The following SCFD2 variants were observed in gnomAD, a reference collection of about 807,000 sequenced individuals.
The protein encoded by SCFD2 is sec1 family domain-containing protein 2.
Under a neutral mutation model 58.9 loss-of-function variants are expected in SCFD2, and 54 were observed. The observed-to-expected ratio is 0.92, with a 90% CI of 0.74 to 1.15. The LOEUF (loss-of-function observed/expected upper bound fraction) is 1.15, where lower values mean the gene tolerates loss of function less well. SCFD2 is among the 50% of genes most tolerant of loss of function. The pLI is 0.00. For synonymous variants in SCFD2, 321 were observed against 335.9 expected, an observed-to-expected ratio of 0.96 and a Z score of 0.49; for missense variants, 805 against 836.6, an observed-to-expected ratio of 0.96 and a Z score of 0.47.
intron 5 of SCFD2, among the ~76,000 whole-genome samples, chr4:52,936,086 C>A (rs1720130771): frequency 6.6e-6 from 1 of 152,140 alleles, no homozygotes; most frequent in South Asian, 2.1e-4. Flanking sequence ...ATCCGCCTGC[C>A]TCATCCTCCC....
At position 53,236,806 on chromosome 4, in the gene SCFD2, T is replaced by A. The variant is rs572631347; in HGVS notation, c.1311+37020A>T. Among the ~76,000 whole-genome samples the A allele has an allele frequency of 3.0e-5, 4 of 132,746 alleles. No homozygotes were observed. The South Asian group carries it at 9.8e-4, about 33-fold the overall frequency. 87.1% of individuals were successfully genotyped at this position (132,746 alleles called of 152,430 possible). A position where few individuals can be genotyped will look rare whatever the true frequency, so the allele number is the denominator to read the frequency against. On this transcript the variant is annotated intron_variant, in intron 4 of 8. Transcript: ENST00000401642. ...ATGATTTCTAACTACTTAAAGTCAC[T>A]GTTTTATTTATTTATTTATTTATTT...
At chr4:53,175,852 C>T (rs1727312174) in intron 4 of SCFD2, among the ~76,000 whole-genome samples, 1 of 152,178 alleles carries the variant, frequency 6.6e-6, no homozygotes, top group African/African-American at 2.4e-5. Flanking sequence ...CTGGTTCTAG[C>T]TTTACAATCC....
intron 6 of SCFD2, among the ~76,000 whole-genome samples, chr4:52,918,397 A>T (rs944844388): frequency 6.6e-6 from 1 of 152,044 alleles, no homozygotes; most frequent in Admixed American, 6.6e-5. Context: ...GACAGATGCC[A>T]CTCTAGGTAC....
chr4:53,176,542 A>C (rs1727335484), intron 4 of SCFD2, among the ~76,000 whole-genome samples: 1 of 152,234 alleles, frequency 6.6e-6, no homozygotes, highest in Non-Finnish European at 1.5e-5. Flanking sequence ...AGGGACCTGA[A>C]TAGAGAGAAA....
intron 3 of SCFD2, among the ~76,000 whole-genome samples, chr4:53,294,156 C>A (rs1028317404): frequency 6.6e-6 from 1 of 152,118 alleles, no homozygotes; most frequent in African/African-American, 2.4e-5. Flanking sequence ...GGGGTATATA[C>A]CCAGTAACGG....
chr4:53,217,689 T>A (rs1441813551), intron 4 of SCFD2, among the ~76,000 whole-genome samples: 1 of 152,220 alleles, frequency 6.6e-6, no homozygotes, highest in Non-Finnish European at 1.5e-5. Flanking sequence ...GTCAGTATGA[T>A]GTTAGCTGCT....
chr4:53,009,977 C>T (rs1475497859), intron 5 of SCFD2, among the ~76,000 whole-genome samples: 1 of 152,150 alleles, frequency 6.6e-6, no homozygotes, highest in Admixed American at 6.5e-5. Flanking sequence ...TATACTTTCT[C>T]GGGCTGCACT....
chr4:53,365,243 C>T lies in SCFD2; in HGVS notation c.699G>A (p.Arg233=). The T allele has an allele frequency of 6.2e-7, 1 of 1,614,174 alleles. No individual in the cohort carries two copies. Among genetic ancestry groups the T allele is most frequent in the Admixed American group, 1.7e-5 (1 of 60,026 alleles). Residue 233 remains arginine (R), a synonymous_variant, in exon 1 of 9, where the codon CGG becomes CGA. Transcript: ENST00000401642. This position sits in a 1 kb window ranked among gnomAD's most constrained non-coding sequence, Gnocchi z 4.3. ...LSSLCEHLGV[R]EECFAVGSLS... Reference sequence around the variant, plus strand: ...AGGAACCTACAGCAAAACACTCCTCCCGTACTCCTAAATGTTCACACAGAG... The same window carrying T: ...AGGAACCTACAGCAAAACACTCCTCTCGTACTCCTAAATGTTCACACAGAG...
At chr4:53,204,678 G>A (rs1728354220) in intron 4 of SCFD2, among the ~76,000 whole-genome samples, 1 of 147,166 alleles carries the variant, frequency 6.8e-6, no homozygotes, top group African/African-American at 2.5e-5. Context: ...CCAGAGTTGA[G>A]GCTGTGTGAT....
At chr4:53,278,664 T>C (rs1731410482) in intron 3 of SCFD2, among the ~76,000 whole-genome samples, 1 of 152,206 alleles carries the variant, frequency 6.6e-6, no homozygotes, top group Non-Finnish European at 1.5e-5. Flanking sequence ...GTATATCTCC[T>C]AACAGAAAAT....
At chr4:52,936,752 A>T (rs1577840853) in intron 5 of SCFD2, among the ~76,000 whole-genome samples, 1 of 152,190 alleles carries the variant, frequency 6.6e-6, no homozygotes, top group East Asian at 1.9e-4. Context: ...TTCAGCTCAT[A>T]GACATTGTAT....
intron 5 of SCFD2, among the ~76,000 whole-genome samples, chr4:53,055,645 A>C (rs897262925): frequency 2.0e-5 from 3 of 152,180 alleles, no homozygotes; most frequent in African/African-American, 7.2e-5. Flanking sequence ...GCCAAAAATA[A>C]AAATAAAAAG....
chr4:53,177,543 T>C (rs577954794), intron 4 of SCFD2, among the ~76,000 whole-genome samples: 3 of 152,236 alleles, frequency 2.0e-5, no homozygotes, highest in Non-Finnish European at 1.5e-5. Context: ...GGAGCCAAGA[T>C]GGTCGAATAG....
chr4:53,208,812 T>A (rs1484382628), intron 4 of SCFD2, among the ~76,000 whole-genome samples: 1 of 152,188 alleles, frequency 6.6e-6, no homozygotes, highest in Non-Finnish European at 1.5e-5. Context: ...AAGTGAGCAA[T>A]GTTACTGTGA....
chr4:53,219,284 C>T (rs1161110154), intron 4 of SCFD2, among the ~76,000 whole-genome samples: 1 of 152,218 alleles, frequency 6.6e-6, no homozygotes, highest in East Asian at 1.9e-4. Flanking sequence ...GTTGGCTCCA[C>T]CCAGTTTCAG....
chr4:52,970,871 T>C (rs765258488), intron 5 of SCFD2, among the ~76,000 whole-genome samples: 2 of 152,188 alleles, frequency 1.3e-5, no homozygotes, highest in African/African-American at 2.4e-5. Flanking sequence ...ATATCCGCTG[T>C]TGTGCAGCCT....
intron 4 of SCFD2, among the ~76,000 whole-genome samples, chr4:53,146,429 C>G (rs1340475690): frequency 6.6e-6 from 1 of 152,130 alleles, no homozygotes; most frequent in Non-Finnish European, 1.5e-5. Context: ...AAACTCTACA[C>G]TTTGTATTTA....
chr4:52,928,759 G>A (rs1362022802), intron 5 of SCFD2, among the ~76,000 whole-genome samples: 1 of 152,124 alleles, frequency 6.6e-6, no homozygotes, highest in African/African-American at 2.4e-5. Flanking sequence ...GAGGAGGCGT[G>A]AGGACATGCT....
chr4:52,887,228 C>T (rs1393520419), intron 7 of SCFD2, among the ~76,000 whole-genome samples: 1 of 152,206 alleles, frequency 6.6e-6, no homozygotes, highest in Admixed American at 6.5e-5. Flanking sequence ...AAGGTGCTTA[C>T]AGTACAGTAC....
Sources: allele counts gnomAD v4.1 joint callset (sites outside exome capture counted in the v4.1 genomes callset), GRCh38; gene constraint gnomAD v4.1.1; non-coding constraint Gnocchi (gnomAD v3.1); transcripts MANE v1.5; gene names NCBI Gene and HGNC (gene_info 2026-07-23, HGNC 2026-07-21).